Variants in SLX4IP observed in about 807,000 individuals in gnomAD.
SLX4IP encodes SLX4 interacting protein.
In SLX4IP, 34 loss-of-function variants were observed where a neutral mutation model predicts 32.9. That is an observed-to-expected ratio of 1.03 (90% CI 0.79 to 1.38). The LOEUF is 1.38. Ranked by LOEUF, SLX4IP falls within the 40% of genes most tolerant of loss-of-function variation. SLX4IP has a pLI of 0.00. For missense variants in SLX4IP, 444 were observed against 479.0 expected, an observed-to-expected ratio of 0.93 and a Z score of 0.68; for synonymous variants, 172 against 171.7, an observed-to-expected ratio of 1.00 and a Z score of -0.01.
chr20:10,604,601 T>C (rs2066883629), intron 6 of SLX4IP, among the ~76,000 whole-genome samples: 1 of 152,214 alleles, frequency 6.6e-6, no homozygotes, highest in Non-Finnish European at 1.5e-5. Context: ...CCCCCTCCTT[T>C]ACGGAGCAGA....
At chr20:10,523,289 G>A (rs1303059435) in intron 2 of SLX4IP, among the ~76,000 whole-genome samples, 2 of 152,152 alleles carry the variant, frequency 1.3e-5, no homozygotes, top group African/African-American at 2.4e-5. Context: ...AAGTTTATAT[G>A]AAATTTGTTT....
chr20:10,582,495 T>C (rs1432324786), intron 4 of SLX4IP, among the ~76,000 whole-genome samples: 3 of 152,240 alleles, frequency 2.0e-5, no homozygotes, highest in African/African-American at 7.2e-5. Context: ...GTGATATTTT[T>C]ATTGAATGGT....
chr20:10,592,057 A>G (rs1266395403), intron 4 of SLX4IP, among the ~76,000 whole-genome samples: 1 of 152,190 alleles, frequency 6.6e-6, no homozygotes, highest in Admixed American at 6.5e-5. Flanking sequence ...TATTCATGAA[A>G]CATTTCATGC....
At position 10,584,471 on chromosome 20, in the gene SLX4IP, A is replaced by G. The variant is rs111938430; in HGVS notation, c.239-14204A>G. 2.7e-3 allele frequency among the ~76,000 whole-genome samples: 412 copies of G among 152,318 alleles called. 3 individuals are homozygous for G. Among genetic ancestry groups the G allele is most frequent in the African/African-American group, 8.7e-3 (362 of 41,574 alleles). ...TCTGCAAAGCACTACCATTACTCTA[A>G]TAAGACTCTCACTACTAATTTCATT... On this transcript the variant is annotated intron_variant, in intron 4 of 7. Transcript: ENST00000334534.
intron 4 of SLX4IP, among the ~76,000 whole-genome samples, chr20:10,574,422 C>G (rs2066500174): frequency 6.6e-6 from 1 of 152,128 alleles, no homozygotes; most frequent in South Asian, 2.1e-4. Flanking sequence ...ACCCACTACC[C>G]CACACATCAG....
chr20:10,607,918 G>A (rs565948761), intron 6 of SLX4IP, among the ~76,000 whole-genome samples: 2 of 152,130 alleles, frequency 1.3e-5, no homozygotes, highest in South Asian at 2.1e-4. Flanking sequence ...CAGTATTTGT[G>A]AAAAACATGG....
chr20:10,450,242 T>C (rs2065231105), intron 1 of SLX4IP, among the ~76,000 whole-genome samples: 1 of 152,250 alleles, frequency 6.6e-6, no homozygotes, highest in South Asian at 2.1e-4. Flanking sequence ...CCCTTTTTCC[T>C]GGTTCCATGT....
intron 2 of SLX4IP, 82 bp downstream of exon 2, chr20:10,458,313 G>C: frequency 1.5e-6 from 2 of 1,375,102 alleles, no homozygotes; most frequent in Non-Finnish European, 9.8e-7. Flanking sequence ...GAAAATCGAG[G>C]TTCCTAACTT....
chr20:10,440,472 T>TA lies in SLX4IP; in HGVS notation c.-30+5025dup, dbSNP rs199935928. ...TCTGTCTCAAAAAAAACCTAGAAAC[T>TA]AAAAAATAAATAAATAAATATTATT... On this transcript the variant is annotated intron_variant, in intron 1 of 7. Coordinates refer to ENST00000334534, the MANE Select transcript of SLX4IP (RefSeq NM_001009608.3). Among the ~76,000 whole-genome samples the TA allele has an allele frequency of 1.6e-4, 24 of 151,262 alleles. No homozygotes were observed. The South Asian group carries it at 1.9e-3, about 12-fold the overall frequency.
chr20:10,618,944 G>A (rs1338440331), intron 6 of SLX4IP, among the ~76,000 whole-genome samples: 3 of 151,680 alleles, frequency 2.0e-5, no homozygotes, highest in Non-Finnish European at 4.4e-5. Flanking sequence ...GGGGGTTGGG[G>A]GGGCGGGGGA....
intron 2 of SLX4IP, among the ~76,000 whole-genome samples, chr20:10,543,320 G>A (rs2122481124): frequency 6.6e-6 from 1 of 152,276 alleles, no homozygotes; most frequent in East Asian, 1.9e-4. Flanking sequence ...TTAATAGTTT[G>A]GTTTTGAACC....
At chr20:10,589,847 C>T (rs750240481) in intron 4 of SLX4IP, among the ~76,000 whole-genome samples, 3 of 151,162 alleles carry the variant, frequency 2.0e-5, no homozygotes, top group Non-Finnish European at 2.9e-5. Context: ...TCTGGGTGGT[C>T]GGATTGTTGA....
chr20:10,615,787 C>T (rs1212749138), intron 6 of SLX4IP, among the ~76,000 whole-genome samples: 4 of 152,138 alleles, frequency 2.6e-5, no homozygotes, highest in Non-Finnish European at 5.9e-5. Context: ...AGGGTCTAGT[C>T]CCTGCCTCCA....
intron 2 of SLX4IP, among the ~76,000 whole-genome samples, chr20:10,499,944 A>T (rs1412052604): frequency 6.6e-6 from 1 of 152,130 alleles, no homozygotes; most frequent in Non-Finnish European, 1.5e-5. Context: ...AAGTTGGAAA[A>T]AGAAAAGCTG....
rs76069448 is a variant in SLX4IP at position 10,523,816 on chromosome 20, C to T, written c.28-32415C>T. Among the ~76,000 whole-genome samples the T allele has an allele frequency of 3.5e-3, 534 of 152,322 alleles. 4 individuals are homozygous for T. Among genetic ancestry groups the T allele is most frequent in the African/African-American group, 0.012 (513 of 41,578 alleles). ...AAATCTTTTTTTAAGAGTTGTCTCA[C>T]TATATAAACAAAAAGTCACATTATC... On this transcript the variant is annotated intron_variant, in intron 2 of 7. Transcript: ENST00000334534.
intron 2 of SLX4IP, among the ~76,000 whole-genome samples, chr20:10,505,706 G>C (rs2065753530): frequency 6.6e-6 from 1 of 152,122 alleles, no homozygotes; most frequent in Admixed American, 6.5e-5. Flanking sequence ...ATTGGCCAAA[G>C]ACCTTGTGAG....
At chr20:10,439,498 CG>C (rs1911027030) in intron 1 of SLX4IP, among the ~76,000 whole-genome samples, 1 of 152,190 alleles carries the variant, frequency 6.6e-6, no homozygotes, top group Admixed American at 6.5e-5. Flanking sequence ...GTGTGAGCCA[CG>C]GGGGCTGGCC....
chr20:10,519,976 A>G (rs1444721463), intron 2 of SLX4IP, among the ~76,000 whole-genome samples: 3 of 152,238 alleles, frequency 2.0e-5, no homozygotes, highest in Non-Finnish European at 2.9e-5. Context: ...GATATTGAGC[A>G]TCTTTTCATG....
chr20:10,581,789 G>A (rs992238255), intron 4 of SLX4IP, among the ~76,000 whole-genome samples: 2 of 152,104 alleles, frequency 1.3e-5, no homozygotes, highest in African/African-American at 4.8e-5. Flanking sequence ...GAGTGTGGTG[G>A]TGTGCACCTG....
Sources: gnomAD v4.1 joint callset for allele counts (sites outside exome capture counted in the v4.1 genomes callset) on GRCh38, gnomAD v4.1.1 for gene constraint, MANE v1.5 for transcripts, NCBI Gene and HGNC (gene_info 2026-07-23, HGNC 2026-07-21) for gene names.